Variants in LGSN observed in about 807,000 individuals in gnomAD.
LGSN encodes the protein lengsin.
A neutral mutation model predicts 19.5 loss-of-function variants in LGSN; 21 were observed. The ratio of observed to expected loss-of-function variants is 1.07; its 90% confidence interval spans 0.76 to 1.55. LGSN has a LOEUF of 1.55. LGSN is among the 40% of genes most tolerant of loss of function. The pLI is 0.00. For missense variants in LGSN, 673 were observed against 608.5 expected, an observed-to-expected ratio of 1.11 and a Z score of -1.12; for synonymous variants, 257 against 215.6, an observed-to-expected ratio of 1.19 and a Z score of -1.68.
Position 63,280,084 on chromosome 6 carries a change from T to C in LGSN, c.1467A>G (p.Lys489=). ...CTATTTCTTCATTCTCCAACTCATA[T>C]TTCTTCATGGCAACAAAATATCGAA... is the stretch of plus-strand genomic sequence containing the variant. ...TFIRYFVAMK[K]YELENEEIAA... The change falls in exon 4 of 4, where the codon AAA becomes AAG. Residue 489 remains lysine, a synonymous_variant. Coordinates refer to ENST00000370657, the MANE Select transcript of LGSN (RefSeq NM_016571.3). 12 of 1,613,748 alleles carry C rather than the reference T, an allele frequency of 7.4e-6. No homozygotes were observed. The highest frequency in any genetic ancestry group is 1.0e-5 in the Non-Finnish European group (12 of 1,179,818).
chr6:63,392,994 C>CTCCTACCTCA, the LGSN span, among the ~76,000 whole-genome samples: 2 of 148,290 alleles, frequency 1.3e-5, no homozygotes, highest in Admixed American at 1.4e-4. Context: ...TCACGCCATT[C>CTCCTACCTCA]TCCTACCTCA....
chr6:63,484,910 C>T, the LGSN span, among the ~76,000 whole-genome samples: 1 of 152,184 alleles, frequency 6.6e-6, no homozygotes, highest in Non-Finnish European at 1.5e-5. Context: ...AGAATGTGGA[C>T]ACCCTGTATC....
At chr6:63,463,080 A>G in the LGSN span, among the ~76,000 whole-genome samples, 3 of 152,316 alleles carry the variant, frequency 2.0e-5, no homozygotes, top group Middle Eastern at 3.4e-3. Context: ...GACTGAAGCT[A>G]GACACTTGAG....
chr6:63,437,759 G>A, the LGSN span, among the ~76,000 whole-genome samples: 10 of 151,876 alleles, frequency 6.6e-5, no homozygotes, highest in Non-Finnish European at 1.0e-4. Context: ...GTGAAACCCT[G>A]TCTCTACTGA....
chr6:63,352,603 C>G, the LGSN span, among the ~76,000 whole-genome samples: 5,957 of 151,812 alleles, frequency 0.039, 400 homozygotes, highest in African/African-American at 0.14. Context: ...CAAGGCTTCA[C>G]TGAGCCATGA....
the LGSN span, among the ~76,000 whole-genome samples, chr6:63,383,642 C>A: frequency 2.0e-5 from 3 of 151,954 alleles, no homozygotes; most frequent in Non-Finnish European, 4.4e-5. Flanking sequence ...TCAGATTGTG[C>A]TGGACACAGA....
the LGSN span, among the ~76,000 whole-genome samples, chr6:63,423,737 GA>G: frequency 0.015 from 2,309 of 152,030 alleles, 48 homozygotes; most frequent in African/African-American, 0.053. Context: ...AATACTTGAA[GA>G]AAAAAACTGA....
the LGSN span, among the ~76,000 whole-genome samples, chr6:63,443,091 G>A: frequency 1.3e-5 from 2 of 152,216 alleles, no homozygotes; most frequent in African/African-American, 4.8e-5. Flanking sequence ...CCTGCCCCAT[G>A]GGGAGGTGGC....
chr6:63,335,748 A>G, the LGSN span, among the ~76,000 whole-genome samples: 1 of 151,990 alleles, frequency 6.6e-6, no homozygotes, highest in African/African-American at 2.4e-5. Flanking sequence ...TATGGAGAAC[A>G]CAATGGAAGT....
In LGSN at chr6:63,278,346, G is replaced by A. The variant is rs1767161933; in HGVS notation, c.*1675C>T. 6.6e-6 allele frequency: 1 copy of A among 152,140 alleles called. No homozygotes were observed. The highest frequency in any genetic ancestry group is 2.4e-5 in the African/African-American group (1 of 41,408). 9.4% of individuals were successfully genotyped at this position (152,140 alleles called of 1,614,324 possible). On this transcript the variant is annotated 3_prime_UTR_variant, in exon 4 of 4. Transcript: ENST00000370657. ...GAGTCTTCCTTATCCCTCCCATGAT[G>A]TAATGTGTGGGATTTCATTCTGGAG...
At chr6:63,527,970 A>T in the LGSN span, 1 of 152,222 alleles carries the variant, frequency 6.6e-6, no homozygotes, top group African/African-American at 2.4e-5. Context: ...CTATGTGTTT[A>T]TGAAAGAAAC....
chr6:63,423,653 A>C, the LGSN span, among the ~76,000 whole-genome samples: 1 of 151,950 alleles, frequency 6.6e-6, no homozygotes, highest in Non-Finnish European at 1.5e-5. Flanking sequence ...AAAATAAATT[A>C]TGTAATAATA....
chr6:63,338,941 G>A, the LGSN span, among the ~76,000 whole-genome samples: 3 of 152,056 alleles, frequency 2.0e-5, no homozygotes, highest in Non-Finnish European at 4.4e-5. Context: ...TTATTAAGAA[G>A]CATGGTGTTT....
chr6:63,571,579 G>C, the LGSN span: 6 of 152,212 alleles, frequency 3.9e-5, no homozygotes, highest in African/African-American at 9.6e-5. Context: ...AATTACATCA[G>C]TGCTTGACAA....
the LGSN span, among the ~76,000 whole-genome samples, chr6:63,491,182 A>C: frequency 2.0e-5 from 3 of 152,292 alleles, no homozygotes; most frequent in South Asian, 6.2e-4. Context: ...GACCATGCTG[A>C]TGAGGTGCCC....
chr6:63,554,691 GC>G, the LGSN span, among the ~76,000 whole-genome samples: 1 of 152,132 alleles, frequency 6.6e-6, no homozygotes, highest in African/African-American at 2.4e-5. Context: ...AGAGGCTGAG[GC>G]ACAAGAGTCC....
chr6:63,472,393 A>G, the LGSN span, among the ~76,000 whole-genome samples: 16 of 152,344 alleles, frequency 1.1e-4, no homozygotes, highest in South Asian at 1.9e-3. Flanking sequence ...TCTTCAAGAC[A>G]AAGTGGACTG....
the LGSN span, among the ~76,000 whole-genome samples, chr6:63,402,906 G>A: frequency 7.3e-3 from 1,117 of 152,120 alleles, 8 homozygotes; most frequent in African/African-American, 0.025. Flanking sequence ...AAAAAACTGA[G>A]GTCCCCTCAA....
chr6:63,327,216 G>C, the LGSN span, among the ~76,000 whole-genome samples: 2 of 152,282 alleles, frequency 1.3e-5, no homozygotes, highest in South Asian at 2.1e-4. Context: ...AACTCATTTG[G>C]GGTTCCATTT....
Sources: gnomAD v4.1 joint callset for allele counts (sites outside exome capture counted in the v4.1 genomes callset) on GRCh38, gnomAD v4.1.1 for gene constraint, MANE v1.5 for transcripts, NCBI Gene and HGNC (gene_info 2026-07-23, HGNC 2026-07-21) for gene names.